The following SPTBN1 variants were observed in gnomAD, a reference collection of about 807,000 sequenced individuals.
SPTBN1 encodes the protein spectrin beta, non-erythrocytic 1.
A neutral mutation model predicts 266.4 loss-of-function variants in SPTBN1; 32 were observed. The observed-to-expected ratio is 0.12, with a 90% CI of 0.09 to 0.16. The LOEUF (loss-of-function observed/expected upper bound fraction) is 0.16. Among genes scored for constraint, SPTBN1 ranks in the 10% least tolerant of loss-of-function variants. The pLI is 1.00. For synonymous variants in SPTBN1, 1,336 were observed against 1,162.2 expected (o/e 1.15, Z -3.04); for missense variants, 2,296 against 3,067.1 (o/e 0.75, Z 5.94).
In SPTBN1 at chr2:54,644,358, G is replaced by A. The variant is rs752847416; in HGVS notation, c.4041G>A (p.Thr1347=). 1.5e-5 allele frequency: 25 copies of A among 1,612,976 alleles called. No individual in the cohort carries two copies. Among genetic ancestry groups the A allele is most frequent in the Non-Finnish European group, 1.9e-5 (22 of 1,179,108 alleles). ...GMQLISEKPE[T]EAVVKEKLTG... is the part of the protein sequence containing the mutation. ...AGCTCATTTCAGAAAAGCCTGAGAC[G>A]GAAGCTGTGGTGAAGGAGAAACTCA... The change falls in exon 20 of 36, where the codon ACG becomes ACA. Residue 1347 remains threonine, a synonymous_variant. Transcript: ENST00000356805.
At chr2:54,667,312 A>AT (rs1681430198) in intron 34 of SPTBN1, among the ~76,000 whole-genome samples, 1 of 152,152 alleles carries the variant, frequency 6.6e-6, no homozygotes, top group African/African-American at 2.4e-5. Flanking sequence ...TCCACAAGTG[A>AT]TTTTTGCCAC....
intron 19 of SPTBN1, among the ~76,000 whole-genome samples, 183 bp downstream of exon 19, chr2:54,643,312 A>G (rs1679701205): frequency 6.6e-6 from 1 of 152,170 alleles, no homozygotes; most frequent in Non-Finnish European, 1.5e-5. Flanking sequence ...AAAGGGAAAA[A>G]AGCAGAAACC....
intron 1 of SPTBN1, among the ~76,000 whole-genome samples, chr2:54,487,085 G>A (rs1668434757): frequency 6.6e-6 from 1 of 150,760 alleles, no homozygotes; most frequent in Non-Finnish European, 1.5e-5. Flanking sequence ...GGTTTACTTT[G>A]GTATTAGGTA....
chr2:54,653,479 C>A lies in SPTBN1; in HGVS notation c.5578-130C>A. ...ATCTCCCCAGTGAAATTGAGGGCTC[C>A]TTAAGGGGCATGGGCCATATTTTGA... On this transcript the variant is annotated intron_variant, in intron 26 of 35. Coordinates refer to ENST00000356805, the MANE Select transcript of SPTBN1 (RefSeq NM_003128.3). This position sits in a 1 kb window ranked among gnomAD's most constrained non-coding sequence, Gnocchi z 5.1. The A allele has an allele frequency of 6.9e-7, 1 of 1,449,752 alleles. No homozygotes were observed. The highest frequency in any genetic ancestry group is 9.1e-7 in the Non-Finnish European group (1 of 1,095,208). 89.8% of individuals were successfully genotyped at this position (1,449,752 alleles called of 1,614,324 possible).
chr2:54,459,202 A>G (rs1693230362), intron 1 of SPTBN1, among the ~76,000 whole-genome samples: 1 of 152,214 alleles, frequency 6.6e-6, no homozygotes, highest in African/African-American at 2.4e-5. Context: ...GAGTGACCAA[A>G]ACCTTCATCT....
intron 2 of SPTBN1, among the ~76,000 whole-genome samples, chr2:54,561,049 C>T (rs563993385): frequency 4.9e-4 from 74 of 152,180 alleles, no homozygotes; most frequent in Non-Finnish European, 6.9e-4. Context: ...TTGTACATTC[C>T]TGCAAGGGTG....
chr2:54,571,576 TACACACACACACACACAC>T (rs67239523), intron 2 of SPTBN1, among the ~76,000 whole-genome samples: 76 of 100,742 alleles, frequency 7.5e-4, no homozygotes, highest in African/African-American at 3.1e-3. Flanking sequence ...CACACACACA[TACACACACACACACACAC>T]ACACACATAT....
chr2:54,637,012 C>G (rs1159845421), intron 17 of SPTBN1, among the ~76,000 whole-genome samples: 1 of 152,238 alleles, frequency 6.6e-6, no homozygotes, highest in Non-Finnish European at 1.5e-5. Flanking sequence ...CCAAAGAGTG[C>G]TGGCACCTTC....
At chr2:54,463,176 A>G (rs941474760) in intron 1 of SPTBN1, among the ~76,000 whole-genome samples, 1 of 152,170 alleles carries the variant, frequency 6.6e-6, no homozygotes. Flanking sequence ...GTGAAGGCCC[A>G]ATCCTATGCG....
chr2:54,547,320 T>C (rs1263053785), intron 2 of SPTBN1, among the ~76,000 whole-genome samples: 4 of 152,264 alleles, frequency 2.6e-5, no homozygotes, highest in Non-Finnish European at 5.9e-5. Flanking sequence ...TTAAGTAATA[T>C]TCAATTATAT....
Position 54,665,990 on chromosome 2 carries a change from T to A in SPTBN1, c.6735T>A (p.Ser2245=). The A allele has an allele frequency of 6.2e-7, 1 of 1,614,200 alleles. No individual in the cohort carries two copies. The highest frequency in any genetic ancestry group is 1.3e-5 in the African/African-American group (1 of 75,048). Residue 2245 remains serine (S), a synonymous_variant, in exon 34 of 36, where the codon TCT becomes TCA. Transcript: ENST00000356805. The stretch of plus-strand genomic sequence containing the variant: ...ACAAAGATGCAAAGACTGCTGCTTC[T>A]GGAATTCCCTACCACAGCGAGGTCC... ...GFYKDAKTAA[S]GIPYHSEVPV... is the part of the protein sequence containing the mutation.
intron 32 of SPTBN1, chr2:54,663,739 C>T (rs1681198609): frequency 6.6e-6 from 1 of 152,216 alleles, no homozygotes; most frequent in African/African-American, 2.4e-5. Context: ...TTTCCAGCTC[C>T]TTTAACACAA....
chr2:54,582,433 G>A (rs931184295), intron 2 of SPTBN1, among the ~76,000 whole-genome samples: 1 of 151,848 alleles, frequency 6.6e-6, no homozygotes, highest in Non-Finnish European at 1.5e-5. Context: ...GCATAGTGGC[G>A]GGCGCCTGTA....
chr2:54,564,202 A>G (rs1461918039), intron 2 of SPTBN1, among the ~76,000 whole-genome samples: 1 of 152,236 alleles, frequency 6.6e-6, no homozygotes, highest in Non-Finnish European at 1.5e-5. Context: ...TTTACTAGGA[A>G]GAACATTAAA....
chr2:54,659,248 C>T lies in SPTBN1; in HGVS notation c.6338C>T (p.Ala2113Val), dbSNP rs751980890. Residue 2113 changes from alanine (A) to valine (V), a missense_variant, in exon 31 of 36, where the codon GCC (alanine) becomes GTC (valine). This residue lies in a region of SPTBN1 where 347 missense variants were observed against 368.5 expected (regional missense o/e 0.94). Transcript: ENST00000356805. ...PEPSTKVSEE[A>V]ESQQQWDTSK... Reference sequence around the variant, plus strand: ...CCGAGCACGAAGGTTTCAGAGGAAGCCGAGTCCCAGCAGCAGTGGTGAGTC... The same window carrying T: ...CCGAGCACGAAGGTTTCAGAGGAAGTCGAGTCCCAGCAGCAGTGGTGAGTC... 6.8e-6 allele frequency: 11 copies of T among 1,613,934 alleles called. No homozygotes were observed. The highest frequency in any genetic ancestry group is 6.8e-6 in the Non-Finnish European group (8 of 1,179,982).
At chr2:54,638,124 C>T (rs974414169) in intron 18 of SPTBN1, among the ~76,000 whole-genome samples, 7 of 152,150 alleles carry the variant, frequency 4.6e-5, no homozygotes, top group Non-Finnish European at 1.0e-4. Context: ...AAACTAAGAG[C>T]GTGGTTCTTC....
At chr2:54,463,500 A>G (rs893581482) in intron 1 of SPTBN1, among the ~76,000 whole-genome samples, 1 of 152,262 alleles carries the variant, frequency 6.6e-6, no homozygotes, top group Admixed American at 6.5e-5. Flanking sequence ...CTCTTTACAC[A>G]ACCCACCCAC....
At chr2:54,666,266 A>C (rs1301939500) in intron 34 of SPTBN1, among the ~76,000 whole-genome samples, 178 bp downstream of exon 34, 1 of 152,162 alleles carries the variant, frequency 6.6e-6, no homozygotes, top group Non-Finnish European at 1.5e-5. Flanking sequence ...TTCTTTGGCA[A>C]CTGTGGCCAG....
At chr2:54,572,776 T>TG (rs1674177402) in intron 2 of SPTBN1, among the ~76,000 whole-genome samples, 1 of 152,230 alleles carries the variant, frequency 6.6e-6, no homozygotes. Flanking sequence ...GCAGTGGGCT[T>TG]GACTGTAGCC....
Sources: gnomAD v4.1 joint callset for allele counts (sites outside exome capture counted in the v4.1 genomes callset) on GRCh38, gnomAD v4.1.1 for gene constraint, gnomAD v4.1.1 regional missense constraint, Gnocchi (gnomAD v3.1) non-coding constraint, MANE v1.5 for transcripts, NCBI Gene and HGNC (gene_info 2026-07-23, HGNC 2026-07-21) for gene names.